Variants in ITGA9 observed in about 807,000 individuals in gnomAD.
The protein encoded by ITGA9 is integrin subunit alpha 9.
A neutral mutation model predicts 127.8 loss-of-function variants in ITGA9; 56 were observed. That is an observed-to-expected ratio of 0.44 (90% confidence interval 0.35 to 0.55). ITGA9 has a LOEUF of 0.55. ITGA9 is among the 20% of genes least tolerant of loss of function. The pLI is 0.00. For synonymous variants in ITGA9, 508 were observed against 514.5 expected, an observed-to-expected ratio of 0.99 and a Z score of 0.17; for missense variants, 1,196 against 1,347.1, an observed-to-expected ratio of 0.89 and a Z score of 1.76.
chr3:37,652,897 A>G (rs1301253556), intron 16 of ITGA9, among the ~76,000 whole-genome samples: 1 of 152,224 alleles, frequency 6.6e-6, no homozygotes, highest in Non-Finnish European at 1.5e-5. Flanking sequence ...ATTGAGGGGA[A>G]GACTAACAAG....
chr3:37,511,778 A>G (rs1698907339), intron 8 of ITGA9, among the ~76,000 whole-genome samples: 1 of 152,116 alleles, frequency 6.6e-6, no homozygotes, highest in South Asian at 2.1e-4. Flanking sequence ...AGCGGCCACT[A>G]CAAAGCCCTC....
chr3:37,692,430 T>C (rs896777849), intron 18 of ITGA9, among the ~76,000 whole-genome samples: 3 of 151,942 alleles, frequency 2.0e-5, no homozygotes, highest in African/African-American at 7.3e-5. Context: ...TGTGTGTGTG[T>C]GTGTGTGTGT....
chr3:37,776,760 A>T (rs1211558162), intron 23 of ITGA9, among the ~76,000 whole-genome samples: 1 of 152,172 alleles, frequency 6.6e-6, no homozygotes, highest in Non-Finnish European at 1.5e-5. Context: ...GAGCTCGGCA[A>T]GCATGCAGGT....
intron 1 of ITGA9, among the ~76,000 whole-genome samples, chr3:37,453,115 G>GCCCCCCCCCCCCCCCC (rs33973256): frequency 7.0e-6 from 1 of 142,008 alleles, no homozygotes; most frequent in African/African-American, 2.7e-5. Context: ...GAGCCCCGGC[G>GCCCCCCCCCCCCCCCC]CCCCCCCCCC....
In ITGA9 at chr3:37,736,995, G is replaced by A; in HGVS notation, c.2234+12G>A. On this transcript the variant is annotated intron_variant, in intron 20 of 27. Transcript: ENST00000264741. ...GTTACTGCTCAGAGGTAAGGGGGGG[G>A]TTTAAACACTTTTTTCAAAGATGAG... 3 of 1,557,394 alleles carry A rather than the reference G, an allele frequency of 1.9e-6. No individual in the cohort carries two copies. The highest frequency in any genetic ancestry group is 2.2e-5 in the East Asian group (1 of 44,660).
intron 15 of ITGA9, among the ~76,000 whole-genome samples, chr3:37,548,099 A>G (rs1699345125): frequency 6.6e-6 from 1 of 152,262 alleles, no homozygotes; most frequent in African/African-American, 2.4e-5. Flanking sequence ...TAGCTGTACC[A>G]GATGAAATAC....
chr3:37,562,664 T>C (rs192904821), intron 15 of ITGA9, among the ~76,000 whole-genome samples: 82 of 152,342 alleles, frequency 5.4e-4, no homozygotes, highest in African/African-American at 1.9e-3. Context: ...TGGATTCTTC[T>C]GCCATTTTGG....
rs1385648902 is a variant in ITGA9 at position 37,661,526 on chromosome 3, T to A, written c.1916+7736T>A. 1.3e-5 allele frequency among the ~76,000 whole-genome samples: 2 copies of A among 152,234 alleles called. 1 individual carries two copies. The highest frequency in any genetic ancestry group is 3.8e-4 in the East Asian group (2 of 5,200). On this transcript the variant is annotated intron_variant, in intron 17 of 27. Transcript: ENST00000264741. ...ATCCAGACCTTTGGATGTTCACTCT[T>A]CAGAGCCAGGGACAATGTGAGGGAA...
At chr3:37,702,203 G>A (rs1030890012) in intron 18 of ITGA9, among the ~76,000 whole-genome samples, 1 of 152,156 alleles carries the variant, frequency 6.6e-6, no homozygotes, top group Non-Finnish European at 1.5e-5. Context: ...CTCACAATGA[G>A]CCATTATAAA....
chr3:37,629,446 G>A lies in ITGA9; in HGVS notation c.1839+110G>A, dbSNP rs1700209307. The stretch of plus-strand genomic sequence containing the variant: ...GGGCCTGGCTGCTCAGGAGACCGCA[G>A]CCAGGACACACCTCCTCTCTGGGTC... On this transcript the variant is annotated intron_variant, in intron 16 of 27. Transcript: ENST00000264741. This position sits in a 1 kb window ranked among gnomAD's most constrained non-coding sequence, Gnocchi z 4.5. 2 of 1,148,978 alleles carry A rather than the reference G, an allele frequency of 1.7e-6. No homozygotes were observed. The highest frequency in any genetic ancestry group is 2.6e-6 in the Non-Finnish European group (2 of 782,832). 71.2% of individuals were successfully genotyped at this position (1,148,978 alleles called of 1,614,324 possible).
At chr3:37,525,491 G>A (rs977065310) in intron 12 of ITGA9, among the ~76,000 whole-genome samples, 1 of 152,084 alleles carries the variant, frequency 6.6e-6, no homozygotes, top group African/African-American at 2.4e-5. Flanking sequence ...GGGGTGGAGG[G>A]TGACAATTCC....
intron 15 of ITGA9, among the ~76,000 whole-genome samples, chr3:37,602,799 C>T (rs1159542381): frequency 6.6e-6 from 1 of 152,144 alleles, no homozygotes; most frequent in East Asian, 1.9e-4. Flanking sequence ...TGGGTGCCAC[C>T]ATTCCTCTGA....
intron 16 of ITGA9, among the ~76,000 whole-genome samples, chr3:37,648,482 C>G (rs922894342): frequency 1.3e-5 from 2 of 151,982 alleles, no homozygotes; most frequent in African/African-American, 4.8e-5. Flanking sequence ...AGAAAATTAT[C>G]CAGGCATGGT....
chr3:37,538,911 A>G (rs561815110), intron 14 of ITGA9, among the ~76,000 whole-genome samples: 71 of 152,376 alleles, frequency 4.7e-4, no homozygotes, highest in Non-Finnish European at 7.1e-4. Context: ...TGCTTCCAGA[A>G]TGATTGCACT....
At chr3:37,757,201 C>A (rs1374286723) in intron 23 of ITGA9, among the ~76,000 whole-genome samples, 1 of 151,688 alleles carries the variant, frequency 6.6e-6, no homozygotes, top group Non-Finnish European at 1.5e-5. Context: ...ATAATAACAA[C>A]AAAAGTATTC....
intron 15 of ITGA9, among the ~76,000 whole-genome samples, chr3:37,628,737 C>T (rs967031467): frequency 8.5e-5 from 13 of 152,146 alleles, no homozygotes; most frequent in African/African-American, 1.7e-4. Flanking sequence ...TCTGGGATAA[C>T]GCTGGGCCAC....
chr3:37,618,898 C>T (rs1700101228), intron 15 of ITGA9, among the ~76,000 whole-genome samples: 1 of 152,178 alleles, frequency 6.6e-6, no homozygotes, highest in Non-Finnish European at 1.5e-5. Flanking sequence ...TGCCCTGACC[C>T]CTTGTGCTTC....
In ITGA9 at chr3:37,452,143, A is replaced by G. The variant is rs999254479; in HGVS notation, c.-232A>G. 1 of 149,166 alleles carries G rather than the reference A, an allele frequency of 6.7e-6. No individual in the cohort carries two copies. Among genetic ancestry groups the G allele is most frequent in the African/African-American group, 2.5e-5 (1 of 40,804 alleles). The allele number at this position is 149,166 out of a possible 1,614,324, so 9.2% of individuals were successfully genotyped here. On this transcript the variant is annotated 5_prime_UTR_variant, in exon 1 of 28. Coordinates refer to ENST00000264741, the MANE Select transcript of ITGA9 (RefSeq NM_002207.3). The surrounding 1 kb of genome is among the most constrained non-coding windows in gnomAD (Gnocchi z 7.3). ...CCCGGCCCGGGACCCGCTCGCGCAG[A>G]CTTCTCGGGCGGACTGAGGACGCCG...
At chr3:37,556,568 A>T (rs2125597380) in intron 15 of ITGA9, among the ~76,000 whole-genome samples, 1 of 152,264 alleles carries the variant, frequency 6.6e-6, no homozygotes, top group South Asian at 2.1e-4. Context: ...AGGACTCCTC[A>T]CGTTAGCGTG....
Sources: allele counts gnomAD v4.1 joint callset (sites outside exome capture counted in the v4.1 genomes callset), GRCh38; gene constraint gnomAD v4.1.1; non-coding constraint Gnocchi (gnomAD v3.1); transcripts MANE v1.5; gene names NCBI Gene and HGNC (gene_info 2026-07-23, HGNC 2026-07-21).